Variants in POLA1 observed in about 807,000 individuals in gnomAD.
POLA1 encodes DNA polymerase alpha catalytic subunit.
In POLA1, 15 loss-of-function variants were observed where a neutral mutation model predicts 124.0. The ratio of observed to expected loss-of-function variants is 0.12; its 90% CI spans 0.08 to 0.19. The LOEUF (loss-of-function observed/expected upper bound fraction) is 0.19. POLA1 is among the 10% of genes least tolerant of loss of function. The pLI is 1.00. For missense variants in POLA1, 886 were observed against 1,103.4 expected (o/e 0.80, Z 2.79); for synonymous variants, 408 against 389.4 (o/e 1.05, Z -0.56).
At chrX:24,834,583 C>A (rs771255758) in intron 32 of POLA1, among the ~76,000 whole-genome samples, 1 of 111,542 alleles carries the variant, frequency 9.0e-6, no homozygotes, top group Non-Finnish European at 1.9e-5. Context: ...ACAAGCCTGG[C>A]CAACAGAACA....
intron 26 of POLA1, among the ~76,000 whole-genome samples, chrX:24,785,564 G>A (rs1056432201): frequency 1.4e-4 from 16 of 112,499 alleles, no homozygotes; most frequent in Non-Finnish European, 2.8e-4. Context: ...TGTTACATTA[G>A]TGTGATTCTG....
At chrX:24,732,556 T>C in intron 16 of POLA1, 102 bp downstream of exon 16, 1 of 504,344 alleles carries the variant, frequency 2.0e-6, no homozygotes. Context: ...AAAATTGTTT[T>C]CAAGAATAGT....
chrX:24,876,048 G>T (rs1601826882), intron 34 of POLA1, among the ~76,000 whole-genome samples: 1 of 111,526 alleles, frequency 9.0e-6, no homozygotes. Context: ...TTTTCTAATC[G>T]TATTTATTAT....
At chrX:24,741,133 G>A (rs1291922208) in intron 20 of POLA1, among the ~76,000 whole-genome samples, 1 of 82,203 alleles carries the variant, frequency 1.2e-5, no homozygotes, top group Admixed American at 1.5e-4. Flanking sequence ...GTGTGTGTGT[G>A]TGTGTGTGTG....
At chrX:24,831,125 C>T (rs1289505433) in intron 32 of POLA1, among the ~76,000 whole-genome samples, 1 of 111,632 alleles carries the variant, frequency 9.0e-6, no homozygotes, top group Admixed American at 9.5e-5. Context: ...CCACTCATAT[C>T]ACAGAGGTTA....
Position 24,819,132 on chromosome X carries a change from G to A in POLA1, c.3430-2320G>A, listed in dbSNP as rs112082228. Among the ~76,000 whole-genome samples the A allele has an allele frequency of 7.1e-3, 799 of 111,853 alleles. 5 individuals carry two copies. The highest frequency in any genetic ancestry group is 0.024 in the African/African-American group (745 of 30,810). ...CTTTGAAAGAATATTTTACCCATGC[G>A]TGGCATGAGTTGATCATTTGTTAAA... On this transcript the variant is annotated intron_variant, in intron 30 of 36. Transcript: ENST00000379068.
At chrX:24,750,574 G>A (rs1932271801) in intron 26 of POLA1, among the ~76,000 whole-genome samples, 1 of 112,514 alleles carries the variant, frequency 8.9e-6, no homozygotes, top group Admixed American at 9.4e-5. Context: ...TTAGGGCACA[G>A]TGAGGAAGGG....
rs376485581 is a variant in POLA1 at position 24,716,349 on chromosome X, C to T, written c.526-13C>T. Reference sequence around the variant, plus strand: ...CAAGCATGGCAGTGAATATGTCTTACCTTTCCTTTTAGACACCTCAAATAA... The same window carrying T: ...CAAGCATGGCAGTGAATATGTCTTATCTTTCCTTTTAGACACCTCAAATAA... On this transcript the variant is annotated splice_polypyrimidine_tract_variant and intron_variant, in intron 6 of 36. Coordinates refer to ENST00000379068, the MANE Select transcript of POLA1 (RefSeq NM_001330360.2). 40 of 994,064 alleles carry T rather than the reference C, an allele frequency of 4.0e-5. No homozygotes were observed. The highest frequency in any genetic ancestry group is 5.6e-5 in the Non-Finnish European group (39 of 699,573). The allele number at this position is 994,064 out of a possible 1,213,427, so 81.9% of individuals were successfully genotyped here. A position where few individuals can be genotyped will look rare whatever the true frequency, so the allele number is the denominator to read the frequency against.
chrX:24,762,632 T>G (rs1932816895), intron 26 of POLA1, among the ~76,000 whole-genome samples: 1 of 110,912 alleles, frequency 9.0e-6, no homozygotes. Flanking sequence ...AGCTGAAGTA[T>G]AGAAAGGAAG....
At chrX:24,804,967 A>G (rs1024643938) in intron 26 of POLA1, among the ~76,000 whole-genome samples, 7 of 111,943 alleles carry the variant, frequency 6.3e-5, no homozygotes, top group African/African-American at 1.9e-4. Context: ...TTAGTAAACC[A>G]TATCGTGGGT....
intron 35 of POLA1, among the ~76,000 whole-genome samples, chrX:24,902,683 C>T (rs1307925508): frequency 9.0e-6 from 1 of 111,588 alleles, no homozygotes; most frequent in East Asian, 2.8e-4. Flanking sequence ...TTACACTCAG[C>T]TGTCCTGTAA....
At chrX:24,702,244 T>A (rs754459668) in intron 2 of POLA1, among the ~76,000 whole-genome samples, 4 of 109,406 alleles carry the variant, frequency 3.7e-5, no homozygotes, top group Non-Finnish European at 7.6e-5. Flanking sequence ...AATTTTTGTA[T>A]TTTTAGTAGA....
intron 35 of POLA1, among the ~76,000 whole-genome samples, chrX:24,904,192 C>T (rs1361984126): frequency 3.6e-5 from 4 of 110,031 alleles, no homozygotes; most frequent in Non-Finnish European, 7.6e-5. Context: ...CCCGACCTCC[C>T]AAAGTGCTAG....
intron 26 of POLA1, among the ~76,000 whole-genome samples, chrX:24,790,911 G>GTACATATA (rs1555991305): frequency 2.6e-5 from 2 of 78,300 alleles, no homozygotes; most frequent in South Asian, 6.2e-4. Context: ...TTATGTATAT[G>GTACATATA]TATATATATA....
At chrX:24,833,839 C>T (rs2046302175) in intron 32 of POLA1, among the ~76,000 whole-genome samples, 1 of 112,250 alleles carries the variant, frequency 8.9e-6, no homozygotes, top group South Asian at 3.7e-4. Flanking sequence ...GCCTGTAATC[C>T]CAACACTTTG....
At chrX:24,713,016 G>A (rs1182287135) in intron 4 of POLA1, among the ~76,000 whole-genome samples, 4 of 111,437 alleles carry the variant, frequency 3.6e-5, no homozygotes, top group African/African-American at 1.3e-4. Context: ...GAGCGCTGGA[G>A]TGCAATGGCA....
In POLA1 at chrX:24,699,559, C is replaced by T; in HGVS notation, c.168+10C>T. Reference sequence around the variant, plus strand: ...GAAGTATAAATATGAAGTAAGTAACCATTTTTCTTCTTTATTCTTCCTGTG... The same window carrying T: ...GAAGTATAAATATGAAGTAAGTAACTATTTTTCTTCTTTATTCTTCCTGTG... On this transcript the variant is annotated intron_variant, in intron 2 of 36. Transcript: ENST00000379068. The T allele has an allele frequency of 8.9e-7, 1 of 1,129,581 alleles. No homozygotes were observed. The highest frequency in any genetic ancestry group is 1.2e-6 in the Non-Finnish European group (1 of 846,797). The allele number at this position is 1,129,581 out of a possible 1,213,427, so 93.1% of individuals were successfully genotyped here. A position where few individuals can be genotyped will look rare whatever the true frequency, so the allele number is the denominator to read the frequency against.
At chrX:24,984,084 C>T (rs1488012041) in intron 36 of POLA1, among the ~76,000 whole-genome samples, 1 of 112,284 alleles carries the variant, frequency 8.9e-6, no homozygotes, top group African/African-American at 3.2e-5. Flanking sequence ...AGAGACACAC[C>T]GCTTTCCCTT....
At position 24,919,906 on chromosome X, in the gene POLA1, T is replaced by C. The variant is rs1372835666; in HGVS notation, c.4165-10547T>C. On this transcript the variant is annotated intron_variant, in intron 35 of 36. Transcript: ENST00000379068. Reference sequence around the variant, plus strand: ...CTGTCGCCCAGGCTGGAGTGCAGTGTCACGATCTCAGCTCACTACAGTCTC... The same window carrying C: ...CTGTCGCCCAGGCTGGAGTGCAGTGCCACGATCTCAGCTCACTACAGTCTC... Among the ~76,000 whole-genome samples, 3 of 96,648 alleles carry C rather than the reference T, an allele frequency of 3.1e-5. No individual in the cohort carries two copies. The Admixed American group carries it at 3.5e-4, about 11-fold the overall frequency. The allele number at this position is 96,648 out of a possible 115,157, so 83.9% of individuals were successfully genotyped here. A position where few individuals can be genotyped will look rare whatever the true frequency, so the allele number is the denominator to read the frequency against.
Sources: allele counts gnomAD v4.1 joint callset (sites outside exome capture counted in the v4.1 genomes callset), GRCh38; gene constraint gnomAD v4.1.1; transcripts MANE v1.5; gene names NCBI Gene and HGNC (gene_info 2026-07-23, HGNC 2026-07-21).